Variants in SLCO2B1 observed in about 807,000 individuals in gnomAD.
The protein encoded by SLCO2B1 is solute carrier organic anion transporter family member 2B1, also known as OATP-RP2.
A neutral mutation model predicts 67.3 loss-of-function variants in SLCO2B1; 41 were observed. The ratio of observed to expected loss-of-function variants is 0.61; its 90% CI spans 0.47 to 0.79. The LOEUF is 0.79. SLCO2B1 is among the 30% of genes least tolerant of loss of function. The probability of loss-of-function intolerance (pLI) is 0.00; values close to 1 mark genes in which losing one functional copy is unlikely to be tolerated. For synonymous variants in SLCO2B1, 379 were observed against 381.4 expected, an observed-to-expected ratio of 0.99 and a Z score of 0.07; for missense variants, 837 against 920.1, an observed-to-expected ratio of 0.91 and a Z score of 1.17.
At chr11:75,176,651 C>A (rs1470622501) in intron 7 of SLCO2B1, among the ~76,000 whole-genome samples, 1 of 152,178 alleles carries the variant, frequency 6.6e-6, no homozygotes, top group Non-Finnish European at 1.5e-5. Context: ...CCATGTTCTT[C>A]TTTGGGAGAA....
intron 1 of SLCO2B1, among the ~76,000 whole-genome samples, chr11:75,158,960 T>C (rs943802637): frequency 1.3e-5 from 2 of 152,078 alleles, no homozygotes; most frequent in African/African-American, 4.8e-5. Context: ...TCACCCAGAC[T>C]CAGGTGGTGT....
At chr11:75,173,524 C>T (rs945338822) in intron 7 of SLCO2B1, among the ~76,000 whole-genome samples, 4 of 152,174 alleles carry the variant, frequency 2.6e-5, no homozygotes, top group African/African-American at 7.2e-5. Flanking sequence ...GGAGAAGTCA[C>T]GACCGGTGTG....
intron 13 of SLCO2B1, 56 bp from the exon 14 acceptor site, chr11:75,204,344 C>T (rs1304904799): frequency 2.7e-5 from 41 of 1,503,822 alleles, no homozygotes; most frequent in South Asian, 1.6e-4. Context: ...TGACTGCTGA[C>T]GTCCATGCCC....
At position 75,163,863 on chromosome 11, in the gene SLCO2B1, G is replaced by C. The variant is rs151032847; in HGVS notation, c.148-100G>C. The C allele has an allele frequency of 3.1e-3, 4,281 of 1,362,876 alleles. 11 individuals carry two copies. Among genetic ancestry groups the C allele is most frequent in the Non-Finnish European group, 3.9e-3 (3,891 of 1,007,780 alleles). 84.4% of individuals were successfully genotyped at this position (1,362,876 alleles called of 1,614,324 possible). On this transcript the variant is annotated intron_variant, in intron 2 of 13. Transcript: ENST00000289575. ...GCCCTCTGTCTCTTTCTGTGACTCT[G>C]TTTCCCCATCTCTACTCCTTGCTGC...
intron 1 of SLCO2B1, among the ~76,000 whole-genome samples, chr11:75,156,073 C>T (rs577553408): frequency 1.9e-4 from 29 of 152,126 alleles, no homozygotes; most frequent in African/African-American, 6.7e-4. Flanking sequence ...TCCTTTAATC[C>T]TAATAAAAAC....
Position 75,172,489 on chromosome 11 carries a change from C to A in SLCO2B1, c.892C>A (p.Pro298Thr). The change falls in exon 7 of 14, where the codon CCC becomes ACC. Residue 298 changes from proline to threonine, a missense_variant. By Grantham distance (38) the Pro-to-Thr change is conservative. Coordinates refer to ENST00000289575, the MANE Select transcript of SLCO2B1 (RefSeq NM_007256.5). ...GGCTGCCATCCCCTACTTCTTCTTCCCCAAGGAAATGCCCAAGGAAAAACG... is the reference window on the plus strand; with the variant it reads ...GGCTGCCATCCCCTACTTCTTCTTCACCAAGGAAATGCCCAAGGAAAAACG... The part of the protein sequence containing the change: ...ALAAIPYFFF[P>T]KEMPKEKREL... The A allele has an allele frequency of 6.2e-7, 1 of 1,614,158 alleles. No individual in the cohort carries two copies. Among genetic ancestry groups the A allele is most frequent in the Middle Eastern group, 1.6e-4 (1 of 6,062 alleles).
intron 8 of SLCO2B1, among the ~76,000 whole-genome samples, chr11:75,190,927 C>T (rs1344617929): frequency 2.6e-5 from 4 of 152,196 alleles, no homozygotes; most frequent in Admixed American, 6.5e-5. Flanking sequence ...GAGATGGGCC[C>T]TGGAATTCCC....
chr11:75,154,766 T>TGACCACAG (rs1949728759), intron 1 of SLCO2B1, among the ~76,000 whole-genome samples: 1 of 152,180 alleles, frequency 6.6e-6, no homozygotes, highest in Non-Finnish European at 1.5e-5. Context: ...GGGTCTCTGG[T>TGACCACAG]GCCAAAACAG....
chr11:75,166,079 T>G (rs1949887844), intron 4 of SLCO2B1, 130 bp downstream of exon 4: 3 of 1,130,964 alleles, frequency 2.7e-6, no homozygotes, highest in Non-Finnish European at 3.6e-6. Context: ...CAGCTGCTAG[T>G]CCCCCCCCAA....
intron 6 of SLCO2B1, among the ~76,000 whole-genome samples, chr11:75,171,413 C>T (rs938628866): frequency 1.3e-5 from 2 of 152,124 alleles, no homozygotes; most frequent in African/African-American, 2.4e-5. Context: ...TGCACCATCA[C>T]ACCTGGGTAA....
At position 75,155,239 on chromosome 11, in the gene SLCO2B1, C is replaced by T. The variant is rs577962166; in HGVS notation, c.16+3842C>T. Reference sequence around the variant, plus strand: ...CCCAAGGTCCTGCTGGGAGGAATTTCCCAAATATGACAGCCAAGCCCAATG... The same window carrying T: ...CCCAAGGTCCTGCTGGGAGGAATTTTCCAAATATGACAGCCAAGCCCAATG... On this transcript the variant is annotated intron_variant, in intron 1 of 13. Transcript: ENST00000289575. Among the ~76,000 whole-genome samples, 6 of 152,220 alleles carry T rather than the reference C, an allele frequency of 3.9e-5. No homozygotes were observed. The South Asian group carries it at 1.2e-3, about 32-fold the overall frequency.
At chr11:75,178,474 G>A (rs1950053367) in intron 7 of SLCO2B1, among the ~76,000 whole-genome samples, 1 of 152,038 alleles carries the variant, frequency 6.6e-6, no homozygotes, top group South Asian at 2.1e-4. Context: ...CTTTTTACAT[G>A]TTTTTTAACT....
At chr11:75,166,174 G>A (rs1295887919) in intron 4 of SLCO2B1, among the ~76,000 whole-genome samples, 2 of 152,174 alleles carry the variant, frequency 1.3e-5, no homozygotes, top group Non-Finnish European at 2.9e-5. Flanking sequence ...ATAGGGGTGA[G>A]GGCCTGCTTG....
chr11:75,191,788 A>C (rs1305071853), intron 8 of SLCO2B1, among the ~76,000 whole-genome samples: 1 of 152,222 alleles, frequency 6.6e-6, no homozygotes, highest in Admixed American at 6.5e-5. Context: ...GCAGAAACAC[A>C]GGTTAGTGGA....
chr11:75,185,311 T>C (rs1266028334), intron 7 of SLCO2B1, among the ~76,000 whole-genome samples: 12 of 152,064 alleles, frequency 7.9e-5, no homozygotes, highest in East Asian at 1.9e-4. Context: ...ACAGGCAACA[T>C]GGGAAGAGGA....
chr11:75,160,287 G>T (rs540122521), intron 1 of SLCO2B1, among the ~76,000 whole-genome samples: 14 of 152,360 alleles, frequency 9.2e-5, no homozygotes, highest in African/African-American at 3.4e-4. Flanking sequence ...ACTTGTACAA[G>T]GAGCATTGAG....
intron 1 of SLCO2B1, among the ~76,000 whole-genome samples, chr11:75,155,919 G>T (rs61115239): frequency 7.2e-5 from 11 of 152,184 alleles, no homozygotes; most frequent in African/African-American, 2.2e-4. Context: ...TCACTAGGGT[G>T]GGGGGTACGT....
chr11:75,183,082 A>G (rs186113348), intron 7 of SLCO2B1, among the ~76,000 whole-genome samples: 1 of 152,362 alleles, frequency 6.6e-6, no homozygotes, highest in African/African-American at 2.4e-5. Flanking sequence ...CATGTCCAAA[A>G]GAAATGTTAT....
intron 1 of SLCO2B1, among the ~76,000 whole-genome samples, chr11:75,153,630 T>C (rs988005205): frequency 6.6e-6 from 1 of 152,190 alleles, no homozygotes; most frequent in Non-Finnish European, 1.5e-5. Flanking sequence ...GGGAAGGAGA[T>C]AGCACTGCAA....
Sources: allele counts gnomAD v4.1 joint callset (sites outside exome capture counted in the v4.1 genomes callset), GRCh38; gene constraint gnomAD v4.1.1; transcripts MANE v1.5; gene names NCBI Gene and HGNC (gene_info 2026-07-23, HGNC 2026-07-21).